The following MID1 variants were observed in gnomAD, a reference collection of about 807,000 sequenced individuals.
MID1 encodes the protein midline 1.
In MID1, 7 loss-of-function variants were observed where a neutral mutation model predicts 40.4. That is an observed-to-expected ratio of 0.17 (90% CI 0.10 to 0.33). The LOEUF is 0.33. Among genes scored for constraint, MID1 ranks in the 10% least tolerant of loss-of-function variants. The pLI is 1.00. For synonymous variants in MID1, 229 were observed against 221.2 expected (o/e 1.04, Z -0.31); for missense variants, 367 against 558.5 (o/e 0.66, Z 3.46).
intron 1 of MID1, among the ~76,000 whole-genome samples, chrX:10,733,076 ATGGTCTCGATC>A (rs1487623750): frequency 1.8e-5 from 2 of 110,331 alleles, no homozygotes. Flanking sequence ...GTTAGCCAGG[ATGGTCTCGATC>A]TCCTGACCTC....
At chrX:10,682,648 G>T in intron 1 of MID1, among the ~76,000 whole-genome samples, 1 of 111,349 alleles carries the variant, frequency 9.0e-6, no homozygotes, top group African/African-American at 3.3e-5. Flanking sequence ...GAATTAGCAG[G>T]ATATAGTTCA....
intron 1 of MID1, among the ~76,000 whole-genome samples, chrX:10,642,182 G>T (rs1255881203): frequency 9.0e-6 from 1 of 111,658 alleles, no homozygotes; most frequent in East Asian, 2.8e-4. Context: ...TCAGGCAGGA[G>T]AAAGAAATAA....
Position 10,795,965 on chromosome X carries a change from G to A in MID1, c.-187+37589C>T, listed in dbSNP as rs765674955. On this transcript the variant is annotated intron_variant, in intron 1 of 10. Transcript: ENST00000380785. The stretch of plus-strand genomic sequence containing the variant: ...TAAAACTTCTTATCTGCCTTTACTT[G>A]GTACAGGCCAGCAACCAAATCTCTA... Among the ~76,000 whole-genome samples, 5 of 111,516 alleles carry A rather than the reference G, an allele frequency of 4.5e-5. No individual in the cohort carries two copies. In the South Asian group the frequency reaches 1.9e-3, roughly 42 times the overall value.
At chrX:10,704,716 G>GTATATATATATA (rs771605675) in intron 1 of MID1, among the ~76,000 whole-genome samples, 5 of 78,075 alleles carry the variant, frequency 6.4e-5, no homozygotes, top group South Asian at 7.1e-4. Context: ...GTGTGTGTGT[G>GTATATATATATA]TATATATATA....
chrX:10,656,188 C>A (rs991789226), intron 1 of MID1, among the ~76,000 whole-genome samples: 2 of 111,790 alleles, frequency 1.8e-5, no homozygotes, highest in South Asian at 7.5e-4. Context: ...TGACTTGGTG[C>A]CCTGTTCATT....
At chrX:10,828,617 A>G (rs932146210) in intron 1 of MID1, among the ~76,000 whole-genome samples, 1 of 112,202 alleles carries the variant, frequency 8.9e-6, no homozygotes, top group African/African-American at 3.2e-5. Context: ...TGTCAAACAC[A>G]AAAACCTACA....
chrX:10,697,358 T>C (rs1026164426), intron 1 of MID1, among the ~76,000 whole-genome samples: 8 of 111,434 alleles, frequency 7.2e-5, no homozygotes, highest in African/African-American at 2.6e-4. Flanking sequence ...CCCAAATTCA[T>C]ATTAGTCCAA....
intron 1 of MID1, among the ~76,000 whole-genome samples, chrX:10,725,599 C>G (rs1393862466): frequency 8.9e-6 from 1 of 112,057 alleles, no homozygotes; most frequent in Admixed American, 9.5e-5. Context: ...TGGCTCACGC[C>G]TGTAATCCCA....
At chrX:10,570,654 C>G (rs1313451042) in intron 1 of MID1, among the ~76,000 whole-genome samples, 1 of 112,612 alleles carries the variant, frequency 8.9e-6, no homozygotes, top group African/African-American at 3.2e-5. Flanking sequence ...CAGAGGTCAA[C>G]AAACTTTTTC....
At chrX:10,734,107 A>T (rs779863109) in intron 1 of MID1, among the ~76,000 whole-genome samples, 5 of 112,520 alleles carry the variant, frequency 4.4e-5, no homozygotes, top group Non-Finnish European at 9.4e-5. Flanking sequence ...TTGCAGCACT[A>T]TTCACAATAG....
chrX:10,613,232 T>C (rs1324084068), intron 1 of MID1, among the ~76,000 whole-genome samples: 4 of 111,695 alleles, frequency 3.6e-5, no homozygotes, highest in Non-Finnish European at 7.5e-5. Context: ...GTCTACCGCA[T>C]AGACCCTTTG....
chrX:10,479,302 A>G (rs1207901167), intron 5 of MID1, among the ~76,000 whole-genome samples: 1 of 112,187 alleles, frequency 8.9e-6, no homozygotes, highest in Non-Finnish European at 1.9e-5. Flanking sequence ...CACAGAGAAT[A>G]AGTTATCAAT....
intron 4 of MID1, among the ~76,000 whole-genome samples, chrX:10,494,997 A>T (rs1931168014): frequency 9.0e-6 from 1 of 111,396 alleles, no homozygotes; most frequent in Admixed American, 9.6e-5. Context: ...TATCTTAAAA[A>T]TATAGTTTGC....
intron 1 of MID1, among the ~76,000 whole-genome samples, chrX:10,779,592 T>C (rs758717963): frequency 1.3e-4 from 15 of 111,994 alleles, no homozygotes; most frequent in Admixed American, 7.6e-4. Context: ...GAAGAGGACA[T>C]TGGATTGGAC....
At chrX:10,546,219 T>G (rs1283791432) in intron 2 of MID1, among the ~76,000 whole-genome samples, 1 of 112,375 alleles carries the variant, frequency 8.9e-6, no homozygotes. Flanking sequence ...AAAAAGTTTT[T>G]AATATTTTAA....
At chrX:10,568,781 C>T (rs1934643775) in intron 1 of MID1, among the ~76,000 whole-genome samples, 1 of 111,952 alleles carries the variant, frequency 8.9e-6, no homozygotes. Context: ...AAGAATTCCA[C>T]ACAAACCCCA....
At chrX:10,506,774 G>C (rs746732980) in intron 3 of MID1, among the ~76,000 whole-genome samples, 1 of 111,841 alleles carries the variant, frequency 8.9e-6, no homozygotes, top group Non-Finnish European at 1.9e-5. Context: ...CAGTTCCAAT[G>C]ACTTGTGACT....
At chrX:10,632,833 A>C (rs1936067305) in intron 1 of MID1, among the ~76,000 whole-genome samples, 1 of 111,567 alleles carries the variant, frequency 9.0e-6, no homozygotes, top group African/African-American at 3.3e-5. Context: ...AATCAAAAGA[A>C]TTATATTTCA....
chrX:10,515,613 G>A (rs186703380), intron 3 of MID1, among the ~76,000 whole-genome samples: 29 of 112,447 alleles, frequency 2.6e-4, no homozygotes, highest in Middle Eastern at 4.6e-3. Context: ...GCCAATGCTG[G>A]AACTTTGAAG....
Sources: gnomAD v4.1 joint callset for allele counts (sites outside exome capture counted in the v4.1 genomes callset) on GRCh38, gnomAD v4.1.1 for gene constraint, MANE v1.5 for transcripts, NCBI Gene and HGNC (gene_info 2026-07-23, HGNC 2026-07-21) for gene names.